EDN1: variants seen among roughly 807,000 people sequenced by gnomAD.
EDN1 encodes the protein endothelin 1.
A neutral mutation model predicts 21.7 loss-of-function variants in EDN1; 11 were observed. That is an observed-to-expected ratio of 0.51 (90% CI 0.32 to 0.84). The LOEUF (loss-of-function observed/expected upper bound fraction) is 0.84, where lower values mean the gene tolerates loss of function less well. Among genes scored for constraint, EDN1 ranks in the 40% least tolerant of loss-of-function variants. The probability of loss-of-function intolerance (pLI) is 0.03; values close to 1 mark genes in which losing one functional copy is unlikely to be tolerated. For synonymous variants in EDN1, 85 were observed against 90.6 expected, an observed-to-expected ratio of 0.94 and a Z score of 0.35; for missense variants, 244 against 262.3, an observed-to-expected ratio of 0.93 and a Z score of 0.48.
the EDN1 span, among the ~76,000 whole-genome samples, chr6:12,241,319 C>T: frequency 6.6e-6 from 1 of 151,982 alleles, no homozygotes; most frequent in African/African-American, 2.4e-5. Flanking sequence ...GTGTGCACCC[C>T]ACACCCGGCT....
At chr6:12,280,008 T>C in the EDN1 span, among the ~76,000 whole-genome samples, 2 of 152,288 alleles carry the variant, frequency 1.3e-5, no homozygotes, top group East Asian at 3.9e-4. Flanking sequence ...GAGATCTGTA[T>C]AACTACAGGG....
At chr6:12,231,943 A>G in the EDN1 span, among the ~76,000 whole-genome samples, 1 of 151,654 alleles carries the variant, frequency 6.6e-6, no homozygotes, top group Non-Finnish European at 1.5e-5. Context: ...TTTTTAAAAA[A>G]CCAAAAAACA....
Position 12,294,264 on chromosome 6 carries a change from T to C in EDN1, c.393T>C (p.Ala131=). The change falls in exon 4 of 5, where the codon GCT becomes GCC. Residue 131 remains alanine (A), a synonymous_variant. Transcript: ENST00000379375. Reference sequence around the variant, plus strand: ...TTTTCCTTGTGTATTTTAACAGGGCTGAAGACATTATGGAGAAAGACTGGA... The same window carrying C: ...TTTTCCTTGTGTATTTTAACAGGGCCGAAGACATTATGGAGAAAGACTGGA... ...NFCQAGKELR[A]EDIMEKDWNN... The C allele has an allele frequency of 6.2e-7, 1 of 1,614,212 alleles. No homozygotes were observed. The highest frequency in any genetic ancestry group is 8.5e-7 in the Non-Finnish European group (1 of 1,180,040).
chr6:12,250,257 A>G, the EDN1 span, among the ~76,000 whole-genome samples: 1,711 of 152,052 alleles, frequency 0.011, 26 homozygotes, highest in African/African-American at 0.04. Flanking sequence ...GATTAAAAAG[A>G]TGCACTTTTT....
At chr6:12,265,914 T>G in the EDN1 span, among the ~76,000 whole-genome samples, 134 of 152,352 alleles carry the variant, frequency 8.8e-4, no homozygotes, top group African/African-American at 3.0e-3. Context: ...GGTGCAAGGC[T>G]ACCCTGGTTA....
At chr6:12,286,481 C>T (rs917980134), upstream of EDN1, among the ~76,000 whole-genome samples, 1 of 152,198 alleles carries the variant, frequency 6.6e-6, no homozygotes. Context: ...AAGACTAAAT[C>T]AGGCCTAGTG....
chr6:12,270,886 T>C, the EDN1 span, among the ~76,000 whole-genome samples: 1 of 152,236 alleles, frequency 6.6e-6, no homozygotes, highest in Non-Finnish European at 1.5e-5. Flanking sequence ...AGTCCTCTAC[T>C]ATCATTGTAT....
the EDN1 span, among the ~76,000 whole-genome samples, chr6:12,233,609 C>A: frequency 2.6e-5 from 4 of 152,072 alleles, no homozygotes; most frequent in Non-Finnish European, 5.9e-5. Context: ...CAGAGCCGAC[C>A]GCATGGGCAA....
At chr6:12,245,021 C>T in the EDN1 span, among the ~76,000 whole-genome samples, 7 of 152,168 alleles carry the variant, frequency 4.6e-5, no homozygotes, top group African/African-American at 1.7e-4. Flanking sequence ...TGTACGAGAA[C>T]TGTCTTATCA....
At chr6:12,258,993 T>A in the EDN1 span, among the ~76,000 whole-genome samples, 3 of 152,242 alleles carry the variant, frequency 2.0e-5, no homozygotes, top group Non-Finnish European at 2.9e-5. Flanking sequence ...ACATTTATAA[T>A]GATCACTATA....
chr6:12,273,854 T>A, the EDN1 span, among the ~76,000 whole-genome samples: 2 of 152,100 alleles, frequency 1.3e-5, no homozygotes, highest in Non-Finnish European at 2.9e-5. Flanking sequence ...GCGTACAATA[T>A]AGAAGCACAA....
the EDN1 span, among the ~76,000 whole-genome samples, chr6:12,268,855 T>C: frequency 2.0e-5 from 3 of 152,114 alleles, no homozygotes; most frequent in Non-Finnish European, 2.9e-5. Context: ...CTGTGAAATA[T>C]AATTTTGTGA....
At chr6:12,274,150 T>C in the EDN1 span, among the ~76,000 whole-genome samples, 1 of 152,258 alleles carries the variant, frequency 6.6e-6, no homozygotes, top group Non-Finnish European at 1.5e-5. Flanking sequence ...GATTTTTAAA[T>C]ATGTACACTA....
chr6:12,262,829 G>A, the EDN1 span, among the ~76,000 whole-genome samples: 2 of 149,052 alleles, frequency 1.3e-5, no homozygotes, highest in Middle Eastern at 3.5e-3. Flanking sequence ...CCGAGATTGC[G>A]CCATTGCACT....
At chr6:12,271,851 A>T in the EDN1 span, among the ~76,000 whole-genome samples, 1 of 152,214 alleles carries the variant, frequency 6.6e-6, no homozygotes, top group Admixed American at 6.5e-5. Flanking sequence ...AATATTATAC[A>T]TGACATTGTA....
At chr6:12,268,247 T>C in the EDN1 span, among the ~76,000 whole-genome samples, 2 of 152,192 alleles carry the variant, frequency 1.3e-5, no homozygotes, top group African/African-American at 4.8e-5. Flanking sequence ...ATAGCTTCCA[T>C]AGACAGCGAT....
chr6:12,247,536 CTTTTTTT>C, the EDN1 span, among the ~76,000 whole-genome samples: 6 of 97,760 alleles, frequency 6.1e-5, no homozygotes, highest in Middle Eastern at 6.5e-3. Context: ...TTCTTTCTTT[CTTTTTTT>C]TTTTTTTTTT....
At chr6:12,285,640 C>T (rs571605373), upstream of EDN1, among the ~76,000 whole-genome samples, 64 of 152,106 alleles carry the variant, frequency 4.2e-4, no homozygotes, top group Admixed American at 7.9e-4. Flanking sequence ...GGCGCAATCT[C>T]GGCTCACCAC....
the EDN1 span, among the ~76,000 whole-genome samples, chr6:12,260,094 A>G: frequency 6.6e-6 from 1 of 152,144 alleles, no homozygotes; most frequent in African/African-American, 2.4e-5. Flanking sequence ...TCTGGGTAAA[A>G]TATTTCTTAG....
Sources: gnomAD v4.1 joint callset for allele counts (sites outside exome capture counted in the v4.1 genomes callset) on GRCh38, gnomAD v4.1.1 for gene constraint, MANE v1.5 for transcripts, NCBI Gene and HGNC (gene_info 2026-07-23, HGNC 2026-07-21) for gene names.